NFATC2: variants seen among roughly 807,000 people sequenced by gnomAD.
NFATC2 encodes nuclear factor of activated T cells 2.
NFATC2 carries 22 observed loss-of-function variants against 87.3 expected under a neutral mutation model. The ratio of observed to expected loss-of-function variants is 0.25; its 90% CI spans 0.18 to 0.36. The LOEUF (loss-of-function observed/expected upper bound fraction) is 0.36, where lower values mean the gene tolerates loss of function less well. NFATC2 is among the 10% of genes least tolerant of loss of function. The pLI, the probability that NFATC2 is intolerant of heterozygous loss-of-function variation, is 1.00. For synonymous variants in NFATC2, 565 were observed against 542.2 expected (o/e 1.04, Z -0.58); for missense variants, 1,149 against 1,259.1 (o/e 0.91, Z 1.32).
At chr20:51,554,240 A>G (rs2076958823) in intron 1 of NFATC2, among the ~76,000 whole-genome samples, 1 of 152,248 alleles carries the variant, frequency 6.6e-6, no homozygotes, top group Admixed American at 6.5e-5. Context: ...CACTTAGCTT[A>G]TAAATGACTT....
intron 10 of NFATC2, 146 bp downstream of exon 10, chr20:51,398,497 G>T (rs1447909792): frequency 1.8e-6 from 1 of 561,934 alleles, no homozygotes; most frequent in Non-Finnish European, 3.1e-6. Flanking sequence ...CAGGAGTGGA[G>T]GGGTCTAGCC....
At chr20:51,426,082 G>A (rs1981785986) in intron 9 of NFATC2, among the ~76,000 whole-genome samples, 1 of 152,048 alleles carries the variant, frequency 6.6e-6, no homozygotes, top group Admixed American at 6.6e-5. Flanking sequence ...GGGCATGAGG[G>A]TGAGGAAGCC....
chr20:51,541,954 G>A (rs2076824930), intron 1 of NFATC2, among the ~76,000 whole-genome samples: 1 of 151,750 alleles, frequency 6.6e-6, no homozygotes. Flanking sequence ...TTCTTTTTTT[G>A]GCAACTCCTC....
At chr20:51,498,866 T>G (rs2076032814) in intron 3 of NFATC2, among the ~76,000 whole-genome samples, 1 of 152,160 alleles carries the variant, frequency 6.6e-6, no homozygotes, top group Non-Finnish European at 1.5e-5. Flanking sequence ...CAGGGGAAGC[T>G]GCTTTGAGGA....
chr20:51,506,933 C>T (rs2076193080), intron 3 of NFATC2, among the ~76,000 whole-genome samples: 1 of 152,212 alleles, frequency 6.6e-6, no homozygotes, highest in Non-Finnish European at 1.5e-5. Flanking sequence ...AATGCCTGAC[C>T]CTAGGTCCAG....
At chr20:51,497,188 C>G (rs1412873908) in intron 3 of NFATC2, among the ~76,000 whole-genome samples, 3 of 152,206 alleles carry the variant, frequency 2.0e-5, no homozygotes, top group Non-Finnish European at 2.9e-5. Context: ...AACCAGGCAC[C>G]CTCCGAGGCT....
intron 1 of NFATC2, among the ~76,000 whole-genome samples, chr20:51,533,608 G>A (rs920536119): frequency 4.6e-5 from 7 of 152,234 alleles, no homozygotes; most frequent in Non-Finnish European, 5.9e-5. Context: ...TCCTGAAGGC[G>A]ATGTCTTTGC....
intron 3 of NFATC2, among the ~76,000 whole-genome samples, chr20:51,477,566 T>A (rs1477033173): frequency 7.8e-5 from 8 of 101,972 alleles, no homozygotes; most frequent in South Asian, 2.8e-4. Flanking sequence ...TATATATATA[T>A]ATATATATAT....
intron 9 of NFATC2, among the ~76,000 whole-genome samples, chr20:51,425,530 C>T (rs1346366222): frequency 6.6e-6 from 1 of 152,236 alleles, no homozygotes. Context: ...GGAGGCCCAG[C>T]CCTGCCGGGG....
intron 1 of NFATC2, among the ~76,000 whole-genome samples, chr20:51,555,499 A>G (rs1374130119): frequency 6.6e-6 from 1 of 152,040 alleles, no homozygotes; most frequent in Non-Finnish European, 1.5e-5. Context: ...AGGCTGAAGC[A>G]GGAAAATGGC....
At chr20:51,462,280 CAA>C (rs56939528) in intron 5 of NFATC2, among the ~76,000 whole-genome samples, 62,857 of 128,412 alleles carry the variant, frequency 0.49, 15,630 homozygotes, top group East Asian at 0.62. Flanking sequence ...GCTAATAATA[CAA>C]AAAAAAAAAA....
intron 10 of NFATC2, among the ~76,000 whole-genome samples, chr20:51,394,685 T>C (rs1283131562): frequency 7.0e-6 from 1 of 142,170 alleles, no homozygotes; most frequent in Non-Finnish European, 1.5e-5. Flanking sequence ...AGAAAGGGAT[T>C]GGGAAACTTC....
intron 3 of NFATC2, among the ~76,000 whole-genome samples, chr20:51,512,256 C>T (rs573413474): frequency 2.0e-5 from 3 of 152,322 alleles, no homozygotes; most frequent in Admixed American, 1.3e-4. Flanking sequence ...TCCTCCCAAG[C>T]GGTGAATCCA....
At chr20:51,536,922 C>CACAG (rs1491297428) in intron 1 of NFATC2, among the ~76,000 whole-genome samples, 3 of 151,916 alleles carry the variant, frequency 2.0e-5, no homozygotes, top group East Asian at 3.9e-4. Flanking sequence ...CACACACACA[C>CACAG]AGATACTGTA....
chr20:51,544,120 T>C (rs1300020479), upstream of NFATC2, among the ~76,000 whole-genome samples: 3 of 151,252 alleles, frequency 2.0e-5, no homozygotes, highest in Admixed American at 1.3e-4. Context: ...CCCGAGTAGC[T>C]GGGACTACAG....
At chr20:51,500,649 ACCCCCCCCTCCAC>A (rs2076064931) in intron 3 of NFATC2, among the ~76,000 whole-genome samples, 1 of 21,988 alleles carries the variant, frequency 4.5e-5, no homozygotes, top group Non-Finnish European at 9.5e-5. Flanking sequence ...CACCCTCACC[ACCCCCCCCTCCAC>A]CCCCACCCTC....
At chr20:51,408,773 G>C (rs1978765164) in intron 9 of NFATC2, among the ~76,000 whole-genome samples, 1 of 152,176 alleles carries the variant, frequency 6.6e-6, no homozygotes, top group Admixed American at 6.5e-5. Flanking sequence ...GTGACATCAA[G>C]GTAGAGAAAG....
At chr20:51,396,634 A>G (rs1987188791) in intron 10 of NFATC2, among the ~76,000 whole-genome samples, 11 of 152,168 alleles carry the variant, frequency 7.2e-5, no homozygotes, top group South Asian at 2.1e-4. Context: ...GATGGGAATC[A>G]AGAGGGCTGC....
intron 3 of NFATC2, among the ~76,000 whole-genome samples, chr20:51,484,493 G>T (rs964232260): frequency 6.6e-6 from 1 of 152,160 alleles, no homozygotes; most frequent in Non-Finnish European, 1.5e-5. Flanking sequence ...CCTGTTCATG[G>T]TGCAGCCTCA....
Sources: gnomAD v4.1 joint callset for allele counts (sites outside exome capture counted in the v4.1 genomes callset) on GRCh38, gnomAD v4.1.1 for gene constraint, MANE v1.5 for transcripts, NCBI Gene and HGNC (gene_info 2026-07-23, HGNC 2026-07-21) for gene names.